Variants in UBE2F observed in about 807,000 individuals in gnomAD.
The protein encoded by UBE2F is NEDD8-conjugating enzyme UBE2F.
Under a neutral mutation model 29.6 loss-of-function variants are expected in UBE2F, and 5 were observed. That is an observed-to-expected ratio of 0.17 (90% CI 0.09 to 0.36). UBE2F has a LOEUF of 0.36. UBE2F is among the 10% of genes least tolerant of loss of function. UBE2F has a pLI of 1.00. For synonymous variants in UBE2F, 66 were observed against 81.8 expected (o/e 0.81, Z 1.04); for missense variants, 141 against 228.5 (o/e 0.62, Z 2.47).
At chr2:237,970,580 C>G (rs1278914850) in intron 1 of UBE2F, among the ~76,000 whole-genome samples, 1 of 152,142 alleles carries the variant, frequency 6.6e-6, no homozygotes, top group Non-Finnish European at 1.5e-5. Context: ...AAGTGCAGAG[C>G]TGTCTTTGAA....
intron 4 of UBE2F, among the ~76,000 whole-genome samples, chr2:238,013,187 C>G (rs1252615738): frequency 6.6e-6 from 1 of 152,134 alleles, no homozygotes; most frequent in South Asian, 2.1e-4. Flanking sequence ...GGAGGATCAC[C>G]TGAGCCCTGG....
At chr2:237,994,915 A>G (rs1044687095) in intron 4 of UBE2F, 106 bp downstream of exon 4, 11 of 803,910 alleles carry the variant, frequency 1.4e-5, no homozygotes, top group Non-Finnish European at 2.1e-5. Context: ...TTAAAAGATT[A>G]ACACATTAAT....
chr2:238,028,473 C>G (rs995888149), intron 6 of UBE2F, among the ~76,000 whole-genome samples: 37 of 152,170 alleles, frequency 2.4e-4, no homozygotes, highest in African/African-American at 8.2e-4. Context: ...GAAATAATTC[C>G]TCCATTCAAC....
chr2:238,038,523 T>A (rs1204603557), intron 9 of UBE2F, among the ~76,000 whole-genome samples: 3 of 152,208 alleles, frequency 2.0e-5, no homozygotes, highest in Non-Finnish European at 4.4e-5. Flanking sequence ...GGACTAGCCC[T>A]TGTGGACCAA....
intron 2 of UBE2F, among the ~76,000 whole-genome samples, chr2:237,981,191 G>T (rs2063369806): frequency 1.3e-5 from 2 of 152,100 alleles, no homozygotes; most frequent in South Asian, 4.1e-4. Flanking sequence ...GGTGGTGAGG[G>T]TGTACAGAGA....
At chr2:237,987,942 A>G in intron 2 of UBE2F, 21 bp from the exon 3 acceptor site, 1 of 1,418,794 alleles carries the variant, frequency 7.0e-7, no homozygotes, top group Non-Finnish European at 9.6e-7. Context: ...AATATTAATA[A>G]TAATTTCTTT....
At chr2:237,979,285 A>G (rs951240385) in intron 2 of UBE2F, among the ~76,000 whole-genome samples, 2 of 152,172 alleles carry the variant, frequency 1.3e-5, no homozygotes, top group African/African-American at 2.4e-5. Context: ...CTGGCTGCCC[A>G]TCTGCCTGAG....
At chr2:238,018,300 C>A (rs1394194376) in intron 5 of UBE2F, among the ~76,000 whole-genome samples, 1 of 152,194 alleles carries the variant, frequency 6.6e-6, no homozygotes, top group African/African-American at 2.4e-5. Flanking sequence ...CTGCTAAATA[C>A]TTATGACATA....
At chr2:237,971,267 A>G (rs533168573) in intron 1 of UBE2F, among the ~76,000 whole-genome samples, 6 of 152,256 alleles carry the variant, frequency 3.9e-5, no homozygotes, top group Non-Finnish European at 8.8e-5. Flanking sequence ...TTGAAATAAA[A>G]TGATACGAAA....
chr2:237,994,644 C>A, intron 3 of UBE2F, 100 bp from the exon 4 acceptor site: 1 of 879,316 alleles, frequency 1.1e-6, no homozygotes, highest in Non-Finnish European at 1.9e-6. Context: ...CCATACGAAT[C>A]CCTGTAGCAC....
At chr2:238,021,205 A>G (rs1292788465) in intron 5 of UBE2F, among the ~76,000 whole-genome samples, 1 of 152,198 alleles carries the variant, frequency 6.6e-6, no homozygotes, top group Admixed American at 6.5e-5. Context: ...ATCAGATAAC[A>G]TGACCATGGC....
chr2:237,990,755 T>G (rs201498205), intron 3 of UBE2F, among the ~76,000 whole-genome samples: 1 of 150,748 alleles, frequency 6.6e-6, no homozygotes, highest in Non-Finnish European at 1.5e-5. Flanking sequence ...AGTGAGACTC[T>G]GTCTCAAAAA....
chr2:237,978,147 C>T (rs994223141), intron 2 of UBE2F, among the ~76,000 whole-genome samples: 1 of 152,178 alleles, frequency 6.6e-6, no homozygotes, highest in Admixed American at 6.5e-5. Flanking sequence ...AACTGTCATT[C>T]GTTAGATGAG....
chr2:238,027,856 A>C (rs1331098713), intron 6 of UBE2F, among the ~76,000 whole-genome samples: 1 of 152,174 alleles, frequency 6.6e-6, no homozygotes, highest in Non-Finnish European at 1.5e-5. Context: ...CAGTGCTGGC[A>C]CACAGGAGCA....
chr2:237,971,570 T>A (rs1388621510), intron 1 of UBE2F, among the ~76,000 whole-genome samples: 1 of 152,142 alleles, frequency 6.6e-6, no homozygotes. Context: ...AATCCACCTG[T>A]CTCGTTCCCC....
intron 4 of UBE2F, among the ~76,000 whole-genome samples, chr2:237,996,007 G>A (rs1230313440): frequency 6.6e-6 from 1 of 152,162 alleles, no homozygotes; most frequent in Non-Finnish European, 1.5e-5. Context: ...CCACATGCCT[G>A]ACATCTATAG....
intron 2 of UBE2F, among the ~76,000 whole-genome samples, chr2:237,981,013 GAA>G (rs1378922504): frequency 6.6e-6 from 1 of 152,208 alleles, no homozygotes. Context: ...AGTTAGAAAG[GAA>G]AAGAGTCTAA....
chr2:237,980,995 TGATCTTTA>T (rs1263151723), intron 2 of UBE2F, among the ~76,000 whole-genome samples: 3 of 152,214 alleles, frequency 2.0e-5, no homozygotes, highest in Non-Finnish European at 4.4e-5. Context: ...TCCTGTGGTT[TGATCTTTA>T]GTTAGAAAGG....
chr2:238,025,436 T>A (rs747818335), intron 6 of UBE2F, 24 bp downstream of exon 6: 13 of 1,600,982 alleles, frequency 8.1e-6, no homozygotes, highest in Non-Finnish European at 1.1e-5. Context: ...CTTTTCTTTC[T>A]TCTACATTCG....
Sources: gnomAD v4.1 joint callset for allele counts (sites outside exome capture counted in the v4.1 genomes callset) on GRCh38, gnomAD v4.1.1 for gene constraint, MANE v1.5 for transcripts, NCBI Gene and HGNC (gene_info 2026-07-23, HGNC 2026-07-21) for gene names.